Variants in SLC49A3 observed in about 807,000 individuals in gnomAD.
SLC49A3 encodes solute carrier family 49 member 3.
A neutral mutation model predicts 43.8 loss-of-function variants in SLC49A3; 50 were observed. The observed-to-expected ratio is 1.14, with a 90% CI of 0.91 to 1.45. SLC49A3 has a LOEUF of 1.45. Ranked by LOEUF, SLC49A3 falls within the 40% of genes most tolerant of loss-of-function variation. SLC49A3 has a pLI of 0.00. For missense variants in SLC49A3, 906 were observed against 774.1 expected (o/e 1.17, Z -2.02); for synonymous variants, 413 against 352.0 (o/e 1.17, Z -1.94).
Position 682,005 on chromosome 4 carries a change from G to C in SLC49A3, c.1633C>G (p.Pro545Ala). The C allele has an allele frequency of 7.0e-7, 1 of 1,423,472 alleles. No individual in the cohort carries two copies. The highest frequency in any genetic ancestry group is 9.3e-7 in the Non-Finnish European group (1 of 1,074,534). The allele number at this position is 1,423,472 out of a possible 1,614,324, so 88.2% of individuals were successfully genotyped here. A position where few individuals can be genotyped will look rare whatever the true frequency, so the allele number is the denominator to read the frequency against. Reference protein sequence around the residue: ...GRVQASRFIDPAGSHSSFSSP... With the variant: ...GRVQASRFIDAAGSHSSFSSP... ...GAGAAGGAGGAGTGAGACCCAGCCG[G>C]GTCAATAAACCTGGACGCTTGGACC... The change falls in exon 10 of 10, where the codon CCG becomes GCG. Residue 545 changes from proline (P) to alanine (A), a missense_variant. Coordinates refer to ENST00000322224, the MANE Select transcript of SLC49A3 (RefSeq NM_032219.4).
downstream of SLC49A3, chr4:680,522 G>A (rs1221068035): frequency 1.2e-6 from 2 of 1,613,358 alleles, no homozygotes; most frequent in African/African-American, 1.3e-5. Flanking sequence ...CCGACGCCGA[G>A]GAGACCATTC....
chr4:690,335 G>A (rs1258574682), upstream of SLC49A3, among the ~76,000 whole-genome samples: 1 of 151,994 alleles, frequency 6.6e-6, no homozygotes, highest in Non-Finnish European at 1.5e-5. Context: ...ATGGAGCCCT[G>A]TGGTCCTCAC....
chr4:689,110 C>T lies in SLC49A3; in HGVS notation c.18G>A (p.Glu6=), dbSNP rs1371967989. Residue 6 remains glutamate (E), a synonymous_variant, in exon 1 of 10, where the codon GAG becomes GAA. Transcript: ENST00000322224. The part of the protein sequence containing the change: MAGPT[E]AETGLAEPRA... The stretch of plus-strand genomic sequence containing the variant: ...GGGGCTCGGCCAACCCCGTCTCGGC[C>T]TCCGTCGGCCCCGCCATCGTCGGCG... The T allele has an allele frequency of 2.1e-6, 3 of 1,425,920 alleles. No individual in the cohort carries two copies. The highest frequency in any genetic ancestry group is 3.2e-5 in the Admixed American group (1 of 31,598). 88.3% of individuals were successfully genotyped at this position (1,425,920 alleles called of 1,614,324 possible). A position where few individuals can be genotyped will look rare whatever the true frequency, so the allele number is the denominator to read the frequency against.
intron 9 of SLC49A3, 72 bp downstream of exon 9, chr4:682,709 T>A: frequency 7.7e-7 from 1 of 1,290,952 alleles, no homozygotes; most frequent in Non-Finnish European, 1.1e-6. Context: ...GGTTCACCTG[T>A]CCCGCTCCCA....
At chr4:677,875 C>T (rs1739004168), downstream of SLC49A3, 11 of 1,341,126 alleles carry the variant, frequency 8.2e-6, no homozygotes, top group South Asian at 8.3e-5. Context: ...AAAGCTCACT[C>T]TGCAGCTGTC....
At chr4:681,642 C>G (rs1409522539), downstream of SLC49A3, among the ~76,000 whole-genome samples, 2 of 68,018 alleles carry the variant, frequency 2.9e-5, no homozygotes, top group East Asian at 4.2e-4. Flanking sequence ...CCAGCGCCGC[C>G]CCGCCCCCTC....
chr4:678,292 T>C, downstream of SLC49A3: 10 of 1,429,708 alleles, frequency 7.0e-6, no homozygotes, highest in Middle Eastern at 2.6e-4. Flanking sequence ...GATGAGGGGG[T>C]TCCTGGCTTT....
intron 6 of SLC49A3, 128 bp downstream of exon 6, chr4:684,355 A>G (rs1469894980): frequency 2.3e-6 from 3 of 1,317,814 alleles, no homozygotes; most frequent in East Asian, 4.6e-5. Flanking sequence ...GAGGGCCCAC[A>G]GCACAGAAGG....
downstream of SLC49A3, chr4:680,828 C>G (rs1433870579): frequency 1.6e-6 from 1 of 630,512 alleles, no homozygotes; most frequent in Non-Finnish European, 2.7e-6. Context: ...ACTCCTCCAT[C>G]TTCAGCTCCT....
Position 686,312 on chromosome 4 carries a change from G to C in SLC49A3, c.295-10C>G, listed in dbSNP as rs752154635. ...ACGCACCCAGGATGGTCTGCGAGGA[G>C]GGGGTCGGGGACCGGGTCAGGAACG... On this transcript the variant is annotated splice_polypyrimidine_tract_variant and intron_variant, in intron 2 of 9. Transcript: ENST00000322224. The C allele has an allele frequency of 3.7e-6, 6 of 1,612,486 alleles. No homozygotes were observed. In the Admixed American group the frequency reaches 1.0e-4, roughly 27 times the overall value.
At chr4:688,342 GA>G (rs1741455314) in intron 1 of SLC49A3, among the ~76,000 whole-genome samples, 1 of 152,208 alleles carries the variant, frequency 6.6e-6, no homozygotes, top group South Asian at 2.1e-4. Context: ...ACCCAGGCCT[GA>G]GAGTGACTCC....
In SLC49A3 at chr4:686,549, CG is replaced by C; in HGVS notation, c.276del (p.Val93SerfsTer13). 2 of 1,612,730 alleles carry C rather than the reference CG, an allele frequency of 1.2e-6. No homozygotes were observed. Among genetic ancestry groups the C allele is most frequent in the African/African-American group, 1.3e-5 (1 of 75,058 alleles). On this transcript the variant is annotated frameshift_variant, in exon 2 of 10. Transcript: ENST00000322224. LOFTEE classifies it high-confidence loss of function. Reference sequence around the variant, plus strand: ...TGACTCACCGCCGCACGGAGCCCGACGGAGTCCAGGATCCAGATGGCCGCCA... The same window carrying C: ...TGACTCACCGCCGCACGGAGCCCGACGAGTCCAGGATCCAGATGGCCGCCA... ...FGVAAIWILD[S>X]VGLRAATILG...
downstream of SLC49A3, among the ~76,000 whole-genome samples, chr4:679,332 G>A (rs1739205058): frequency 9.1e-6 from 1 of 109,978 alleles, no homozygotes; most frequent in Non-Finnish European, 1.8e-5. Flanking sequence ...GCCACAGGCA[G>A]GCAGGCGGCT....
At chr4:681,116 G>A (rs1303631357), downstream of SLC49A3, 2 of 1,607,232 alleles carry the variant, frequency 1.2e-6, no homozygotes, top group Non-Finnish European at 1.7e-6. Context: ...TGATGTCCCA[G>A]GCTGACAAGA....
chr4:682,106 C>G lies in SLC49A3; in HGVS notation c.1532G>C (p.Cys511Ser), dbSNP rs1035778362. 6.6e-6 allele frequency: 9 copies of G among 1,373,018 alleles called. No individual in the cohort carries two copies. The highest frequency in any genetic ancestry group is 8.6e-6 in the Non-Finnish European group (9 of 1,051,938). 85.1% of individuals were successfully genotyped at this position (1,373,018 alleles called of 1,614,324 possible). A position where few individuals can be genotyped will look rare whatever the true frequency, so the allele number is the denominator to read the frequency against. Reference sequence around the variant, plus strand: ...TTGCGCACGGGGAGTCGCTCGGTGGCAGGCTGGGTGGGGGCTCCCGGGCCC... The same window carrying G: ...TTGCGCACGGGGAGTCGCTCGGTGGGAGGCTGGGTGGGGGCTCCCGGGCCC... ...PRGPGSPHPA[C>S]HRATPRAQGP... The change falls in exon 10 of 10, where the codon TGC becomes TCC. Residue 511 changes from cysteine (C) to serine (S), a missense_variant. Cys to Ser is a moderately radical substitution (Grantham distance 112, BLOSUM62 -1). Coordinates refer to ENST00000322224, the MANE Select transcript of SLC49A3 (RefSeq NM_032219.4).
chr4:680,880 C>T (rs982481727), downstream of SLC49A3: 2 of 652,334 alleles, frequency 3.1e-6, no homozygotes, highest in Admixed American at 2.8e-5. Context: ...CCTGTAACCT[C>T]CTTCCGGCTC....
chr4:677,496 C>T (rs756431505), downstream of SLC49A3, among the ~76,000 whole-genome samples: 4 of 152,202 alleles, frequency 2.6e-5, no homozygotes, highest in African/African-American at 4.8e-5. Context: ...TGAGGTCAGA[C>T]GGGGTGGTCC....
chr4:684,425 CATGGCCAT>C, intron 6 of SLC49A3, 50 bp downstream of exon 6: 1 of 1,600,718 alleles, frequency 6.2e-7, no homozygotes, highest in Non-Finnish European at 8.5e-7. Flanking sequence ...GCGGTGACTC[CATGGCCAT>C]ATGGGGCGGA....
At chr4:681,605 G>T (rs973458841), downstream of SLC49A3, among the ~76,000 whole-genome samples, 2 of 22,864 alleles carry the variant, frequency 8.7e-5, no homozygotes, top group Admixed American at 1.2e-3. Context: ...CCGCCGCCCC[G>T]CCCCCTCCAG....
Sources: gnomAD v4.1 joint callset for allele counts (sites outside exome capture counted in the v4.1 genomes callset) on GRCh38, gnomAD v4.1.1 for gene constraint, MANE v1.5 for transcripts, NCBI Gene and HGNC (gene_info 2026-07-23, HGNC 2026-07-21) for gene names.